The following IL36B variants were observed in gnomAD, a reference collection of about 807,000 sequenced individuals.
IL36B encodes the protein interleukin-36 beta.
A neutral mutation model predicts 19.3 loss-of-function variants in IL36B; 23 were observed. The observed-to-expected ratio is 1.19, with a 90% CI of 0.86 to 1.69. The LOEUF (loss-of-function observed/expected upper bound fraction) is 1.69, where lower values mean the gene tolerates loss of function less well. Among genes scored for constraint, IL36B ranks in the 40% most tolerant of loss-of-function variants. IL36B has a pLI of 0.00. For missense variants in IL36B, 217 were observed against 200.5 expected (o/e 1.08, Z -0.50); for synonymous variants, 59 against 59.7 (o/e 0.99, Z 0.05).
chr2:113,044,286 G>A (rs937053820), intron 1 of IL36B, among the ~76,000 whole-genome samples: 2 of 133,790 alleles, frequency 1.5e-5, no homozygotes, highest in Admixed American at 7.0e-5. Flanking sequence ...GTGTGTGTGT[G>A]TGTGTGTGTG....
rs113819754 is a variant in IL36B, at chr2:113,039,096, C to G, written c.-57-7330G>C. On this transcript the variant is annotated intron_variant, in intron 1 of 5. Transcript: ENST00000259213. ...TGGATTTCTGCATCCAGCCTCCTCT[C>G]TCTAGATTGGGATATCAGCATAGTC... Among the ~76,000 whole-genome samples, 1,038 of 152,294 alleles carry G rather than the reference C, an allele frequency of 6.8e-3. 14 individuals carry two copies. The highest frequency in any genetic ancestry group is 0.024 in the African/African-American group (992 of 41,558).
intron 1 of IL36B, among the ~76,000 whole-genome samples, chr2:113,034,631 A>G (rs1685134487): frequency 6.6e-6 from 1 of 152,244 alleles, no homozygotes; most frequent in Admixed American, 6.5e-5. Flanking sequence ...TTTTTTGATA[A>G]ACAAATAAAT....
intron 1 of IL36B, among the ~76,000 whole-genome samples, chr2:113,035,525 C>G (rs1273705172): frequency 2.0e-5 from 3 of 151,408 alleles, no homozygotes; most frequent in Non-Finnish European, 4.4e-5. Flanking sequence ...ATAATAGCAA[C>G]AAGAAAGTTG....
At chr2:113,037,030 C>T (rs569238565) in intron 1 of IL36B, among the ~76,000 whole-genome samples, 6 of 152,348 alleles carry the variant, frequency 3.9e-5, no homozygotes, top group South Asian at 4.1e-4. Context: ...GTTGAGGGAA[C>T]CTTGGCTCTG....
At chr2:113,051,278 G>A (rs1340218927) in intron 1 of IL36B, among the ~76,000 whole-genome samples, 1 of 152,234 alleles carries the variant, frequency 6.6e-6, no homozygotes, top group Non-Finnish European at 1.5e-5. Flanking sequence ...AGGCGAGTCC[G>A]CAGGCTCTGG....
At chr2:113,052,634 T>A (rs1685468372) in intron 1 of IL36B, among the ~76,000 whole-genome samples, 183 bp downstream of exon 1, 1 of 152,218 alleles carries the variant, frequency 6.6e-6, no homozygotes. Context: ...TGTCAGCAAA[T>A]TTAAAACCTC....
chr2:113,050,986 C>A lies in IL36B; in HGVS notation c.-58+1831G>T, dbSNP rs551986700. Among the ~76,000 whole-genome samples, 21 of 151,578 alleles carry A rather than the reference C, an allele frequency of 1.4e-4. 1 individual carries two copies. The highest frequency in any genetic ancestry group is 6.8e-3 in the Middle Eastern group (2 of 294). The stretch of plus-strand genomic sequence containing the variant: ...CCCGATCCTTGAATCGGAGGCCGTG[C>A]CTCTCAGCCTGGCCTCCTGATCCTT... On this transcript the variant is annotated intron_variant, in intron 1 of 5. Coordinates refer to ENST00000259213, the MANE Select transcript of IL36B (RefSeq NM_014438.5).
chr2:113,027,404 A>G, intron 4 of IL36B, 29 bp downstream of exon 5: 3 of 933,562 alleles, frequency 3.2e-6, no homozygotes, highest in Non-Finnish European at 3.9e-6. Flanking sequence ...CTGTGTGTCA[A>G]ATTATTAACG....
chr2:113,022,379 TC>T lies in IL36B; in HGVS notation c.*294del, dbSNP rs1684876949. ...ATTCAGGAGCAATGTTGTCTGATCT[TC>T]CCATTTTTCATGAAAACCTTGACTT... On this transcript the variant is annotated 3_prime_UTR_variant, in exon 6 of 6. Transcript: ENST00000259213. 1 of 211,612 alleles carries T rather than the reference TC, an allele frequency of 4.7e-6. No individual in the cohort carries two copies. The highest frequency in any genetic ancestry group is 5.7e-5 in the Admixed American group (1 of 17,652). The allele number at this position is 211,612 out of a possible 1,614,324, so 13.1% of individuals were successfully genotyped here. A position where few individuals can be genotyped will look rare whatever the true frequency, so the allele number is the denominator to read the frequency against.
chr2:113,052,156 G>A (rs996361307), intron 1 of IL36B, among the ~76,000 whole-genome samples: 1 of 151,850 alleles, frequency 6.6e-6, no homozygotes, highest in Non-Finnish European at 1.5e-5. Context: ...CTTCATGTTT[G>A]CCAGGCTGGT....
chr2:113,048,592 G>A (rs1685388270), intron 1 of IL36B, among the ~76,000 whole-genome samples: 1 of 152,158 alleles, frequency 6.6e-6, no homozygotes, highest in Non-Finnish European at 1.5e-5. Context: ...AGAAAAAGGA[G>A]TAAAACAAGC....
At chr2:113,047,823 A>C (rs1004274677) in intron 1 of IL36B, among the ~76,000 whole-genome samples, 3 of 152,200 alleles carry the variant, frequency 2.0e-5, no homozygotes, top group Non-Finnish European at 2.9e-5. Flanking sequence ...TTAATTAAGA[A>C]TATGTATTGG....
intron 1 of IL36B, among the ~76,000 whole-genome samples, chr2:113,043,317 C>T (rs1040914643): frequency 3.3e-5 from 5 of 152,060 alleles, no homozygotes; most frequent in Admixed American, 6.6e-5. Flanking sequence ...AAAAATCATA[C>T]GTACCATAAT....
intron 1 of IL36B, among the ~76,000 whole-genome samples, chr2:113,034,053 T>C (rs1054896358): frequency 7.2e-5 from 11 of 152,280 alleles, no homozygotes; most frequent in Admixed American, 4.6e-4. Context: ...GAATCAAAGA[T>C]GTAAATAAAG....
intron 1 of IL36B, among the ~76,000 whole-genome samples, chr2:113,036,249 TC>T (rs1478609840): frequency 1.1e-4 from 17 of 152,152 alleles, no homozygotes; most frequent in African/African-American, 4.1e-4. Context: ...CAGGCCTGAT[TC>T]TATATTATTT....
chr2:113,046,789 A>C (rs886367763), intron 1 of IL36B, among the ~76,000 whole-genome samples: 2 of 113,016 alleles, frequency 1.8e-5, no homozygotes, highest in African/African-American at 3.9e-5. Flanking sequence ...AACATAACTT[A>C]TTACTGCTGA....
At position 113,022,606 on chromosome 2, in the gene IL36B, T is replaced by C; in HGVS notation, c.*68A>G. The C allele has an allele frequency of 9.9e-7, 1 of 1,011,706 alleles. No homozygotes were observed. The highest frequency in any genetic ancestry group is 1.6e-6 in the Non-Finnish European group (1 of 638,544). 62.7% of individuals were successfully genotyped at this position (1,011,706 alleles called of 1,614,324 possible). On this transcript the variant is annotated 3_prime_UTR_variant, in exon 6 of 6. Transcript: ENST00000259213. ...GAAAAATTTCTGCAACTTATTCCATTTGTAGCATTTCATTGATAGCAAACC... is the reference window on the plus strand; with the variant it reads ...GAAAAATTTCTGCAACTTATTCCATCTGTAGCATTTCATTGATAGCAAACC...
At chr2:113,051,171 G>A (rs1017410952) in intron 1 of IL36B, among the ~76,000 whole-genome samples, 5 of 152,214 alleles carry the variant, frequency 3.3e-5, no homozygotes, top group African/African-American at 7.2e-5. Flanking sequence ...AGGGGCCAGC[G>A]CAGGACCGGG....
In IL36B at chr2:113,027,930, A is replaced by C; in HGVS notation, c.261+1009T>G. 3 of 1,614,108 alleles carry C rather than the reference A, an allele frequency of 1.9e-6. No homozygotes were observed. In the South Asian group the frequency reaches 3.3e-5, roughly 18 times the overall value. ...ATTCCACAGAATCTAAGTAGAAGTT[A>C]GTGTTATTAGTTATGCCTCTCTCCT... On this transcript the variant is annotated intron_variant, in intron 4 of 5. Coordinates refer to ENST00000259213, the MANE Select transcript of IL36B (RefSeq NM_014438.5).
Sources: allele counts gnomAD v4.1 joint callset (sites outside exome capture counted in the v4.1 genomes callset), GRCh38; gene constraint gnomAD v4.1.1; transcripts MANE v1.5; gene names NCBI Gene and HGNC (gene_info 2026-07-23, HGNC 2026-07-21).